Variants in PACRG observed in about 807,000 individuals in gnomAD.
PACRG encodes the protein parkin coregulated.
PACRG carries 29 observed loss-of-function variants against 29.7 expected under a neutral mutation model. The ratio of observed to expected loss-of-function variants is 0.98; its 90% CI spans 0.73 to 1.33. The LOEUF is 1.33. PACRG is among the 40% of genes most tolerant of loss of function. The pLI, the probability that PACRG is intolerant of heterozygous loss-of-function variation, is 0.00. For missense variants in PACRG, 279 were observed against 316.2 expected, an observed-to-expected ratio of 0.88 and a Z score of 0.89; for synonymous variants, 116 against 118.7, an observed-to-expected ratio of 0.98 and a Z score of 0.15.
At chr6:162,742,637 G>C (rs1004575749) in intron 1 of PACRG, among the ~76,000 whole-genome samples, 3 of 151,808 alleles carry the variant, frequency 2.0e-5, no homozygotes, top group Non-Finnish European at 4.4e-5. Context: ...CTTACTCTTT[G>C]TGTTACAATA....
chr6:162,779,076 A>G (rs1389261584), intron 1 of PACRG, among the ~76,000 whole-genome samples: 1 of 151,922 alleles, frequency 6.6e-6, no homozygotes, highest in Non-Finnish European at 1.5e-5. Context: ...CCCCCACCCC[A>G]TGTGTCCATG....
rs531623478 is a variant in PACRG at position 162,974,752 on chromosome 6, G to C, written c.292-87398G>C. ...TATTTAATCATGAATAATCTTATCC[G>C]GGAGATATTATTATCTCCACGTTAC... On this transcript the variant is annotated intron_variant, in intron 2 of 4. Transcript: ENST00000366888. Among the ~76,000 whole-genome samples the C allele has an allele frequency of 2.6e-5, 4 of 151,992 alleles. No homozygotes were observed. In the South Asian group the frequency reaches 6.3e-4, roughly 24 times the overall value.
chr6:163,236,319 A>G (rs977704061), intron 4 of PACRG, among the ~76,000 whole-genome samples: 39 of 151,892 alleles, frequency 2.6e-4, no homozygotes, highest in African/African-American at 9.4e-4. Flanking sequence ...TCTTCTGAAT[A>G]CTCTTTCATT....
At chr6:163,182,396 T>G (rs1779714115) in intron 4 of PACRG, among the ~76,000 whole-genome samples, 2 of 152,246 alleles carry the variant, frequency 1.3e-5, no homozygotes. Flanking sequence ...TTTGGAATGT[T>G]CTGTTTACAA....
intron 2 of PACRG, among the ~76,000 whole-genome samples, chr6:162,947,482 A>C (rs1474366331): frequency 8.1e-6 from 1 of 123,744 alleles, no homozygotes; most frequent in African/African-American, 3.1e-5. Flanking sequence ...TATATATATA[A>C]TCATATATAT....
chr6:163,100,988 G>A, intron 4 of PACRG: 10 of 983,876 alleles, frequency 1.0e-5, no homozygotes, highest in African/African-American at 3.5e-5. Flanking sequence ...CAGAGCCCTC[G>A]AAGATCAATT....
At chr6:163,241,522 C>T (rs999136336) in intron 4 of PACRG, among the ~76,000 whole-genome samples, 3 of 152,140 alleles carry the variant, frequency 2.0e-5, no homozygotes, top group Non-Finnish European at 4.4e-5. Flanking sequence ...TGTTTTTACA[C>T]GATACATGCC....
chr6:162,772,639 A>T (rs192220906), intron 1 of PACRG, among the ~76,000 whole-genome samples: 1 of 152,198 alleles, frequency 6.6e-6, no homozygotes, highest in African/African-American at 2.4e-5. Flanking sequence ...TTGAGAGACC[A>T]TGGAGGCATT....
intron 2 of PACRG, among the ~76,000 whole-genome samples, chr6:162,961,762 G>T (rs1354344536): frequency 6.6e-6 from 1 of 152,086 alleles, no homozygotes; most frequent in Non-Finnish European, 1.5e-5. Flanking sequence ...CTTTAGTCTA[G>T]TGTCCTTCTA....
At chr6:163,017,683 C>G (rs967418805) in intron 2 of PACRG, among the ~76,000 whole-genome samples, 1 of 151,994 alleles carries the variant, frequency 6.6e-6, no homozygotes, top group Non-Finnish European at 1.5e-5. Context: ...GAGAGAGAGA[C>G]AGACAGACAG....
chr6:163,010,355 G>A (rs1331863217), intron 2 of PACRG, among the ~76,000 whole-genome samples: 2 of 152,210 alleles, frequency 1.3e-5, no homozygotes, highest in African/African-American at 2.4e-5. Flanking sequence ...AATTGAGGAC[G>A]TCATGCTGAT....
At chr6:163,206,102 C>T (rs1167132586) in intron 4 of PACRG, among the ~76,000 whole-genome samples, 1 of 152,184 alleles carries the variant, frequency 6.6e-6, no homozygotes, top group Non-Finnish European at 1.5e-5. Flanking sequence ...ATGCTATACA[C>T]TGCTGGTGGG....
intron 2 of PACRG, among the ~76,000 whole-genome samples, chr6:163,020,612 T>C (rs1806518968): frequency 6.6e-6 from 1 of 152,322 alleles, no homozygotes; most frequent in African/African-American, 2.4e-5. Flanking sequence ...ATGGTGCTGC[T>C]ATTTCCCTGC....
intron 4 of PACRG, among the ~76,000 whole-genome samples, chr6:163,270,312 C>A (rs988737597): frequency 1.3e-5 from 2 of 152,044 alleles, no homozygotes; most frequent in African/African-American, 4.8e-5. Flanking sequence ...CATATCATCA[C>A]GAAAACTTAA....
intron 2 of PACRG, among the ~76,000 whole-genome samples, chr6:163,060,572 G>C (rs1008949657): frequency 2.6e-5 from 4 of 152,190 alleles, no homozygotes; most frequent in Admixed American, 6.5e-5. Context: ...CTATGCTCCA[G>C]TTCCAACAGA....
chr6:163,020,954 G>C (rs1806556459), intron 2 of PACRG, among the ~76,000 whole-genome samples: 1 of 152,134 alleles, frequency 6.6e-6, no homozygotes, highest in African/African-American at 2.4e-5. Flanking sequence ...CCCTCTGCCT[G>C]CACCTCCCTC....
chr6:163,249,568 C>G (rs73028035), intron 4 of PACRG, among the ~76,000 whole-genome samples: 1 of 152,192 alleles, frequency 6.6e-6, no homozygotes. Context: ...CCAACTCTCT[C>G]GCCTCCTGTG....
intron 2 of PACRG, among the ~76,000 whole-genome samples, chr6:162,946,958 G>T (rs529929862): frequency 6.6e-6 from 1 of 151,874 alleles, no homozygotes; most frequent in Non-Finnish European, 1.5e-5. Flanking sequence ...GGGAAAGTAG[G>T]CATAGAAGGA....
Position 162,808,188 on chromosome 6 carries a change from C to T in PACRG, c.157-5959C>T, listed in dbSNP as rs113124130. Among the ~76,000 whole-genome samples the T allele has an allele frequency of 3.0e-3, 457 of 152,306 alleles. 7 individuals carry two copies. Among genetic ancestry groups the T allele is most frequent in the African/African-American group, 0.01 (433 of 41,560 alleles). ...ACAGAACTTCTCACTCAGGAGCCTA[C>T]GCTGAAGGTAACCGATTTACCATTC... On this transcript the variant is annotated intron_variant, in intron 1 of 4. Transcript: ENST00000366888.
Sources: gnomAD v4.1 joint callset for allele counts (sites outside exome capture counted in the v4.1 genomes callset) on GRCh38, gnomAD v4.1.1 for gene constraint, MANE v1.5 for transcripts, NCBI Gene and HGNC (gene_info 2026-07-23, HGNC 2026-07-21) for gene names.